Variants in C1QTNF3 observed in about 807,000 individuals in gnomAD.
C1QTNF3 encodes the protein complement C1q tumor necrosis factor-related protein 3.
A neutral mutation model predicts 32.6 loss-of-function variants in C1QTNF3; 26 were observed. The observed-to-expected ratio is 0.80, with a 90% CI of 0.58 to 1.11. The LOEUF is 1.11. Among genes scored for constraint, C1QTNF3 ranks in the 50% least tolerant of loss-of-function variants. The pLI is 0.00. For missense variants in C1QTNF3, 362 were observed against 398.2 expected (o/e 0.91, Z 0.77); for synonymous variants, 155 against 146.0 (o/e 1.06, Z -0.44).
the C1QTNF3 span, among the ~76,000 whole-genome samples, chr5:34,236,917 C>T: frequency 6.6e-6 from 1 of 151,938 alleles, no homozygotes. Flanking sequence ...AAGATTGAGG[C>T]AGAAGAAATG....
At chr5:34,115,982 C>T in the C1QTNF3 span, among the ~76,000 whole-genome samples, 13 of 152,062 alleles carry the variant, frequency 8.5e-5, no homozygotes, top group Non-Finnish European at 1.6e-4. Context: ...ATTTTGGATA[C>T]TGTTCTTTTT....
At chr5:34,237,938 G>C in the C1QTNF3 span, among the ~76,000 whole-genome samples, 1 of 152,162 alleles carries the variant, frequency 6.6e-6, no homozygotes, top group South Asian at 2.1e-4. Context: ...GTATAAAACA[G>C]CCAAGCCACT....
At chr5:34,162,651 A>G in the C1QTNF3 span, among the ~76,000 whole-genome samples, 3 of 152,190 alleles carry the variant, frequency 2.0e-5, 1 homozygote. Flanking sequence ...AGGGGCTAAA[A>G]TATTACAGAA....
Position 34,033,832 on chromosome 5 carries a change from A to T in C1QTNF3, c.416-374T>A, listed in dbSNP as rs299593. 2.0e-5 allele frequency among the ~76,000 whole-genome samples: 3 copies of T among 152,022 alleles called. No individual in the cohort carries two copies. The East Asian group carries it at 5.8e-4, about 29-fold the overall frequency. On this transcript the variant is annotated intron_variant, in intron 2 of 5. Coordinates refer to ENST00000382065, the MANE Select transcript of C1QTNF3 (RefSeq NM_181435.6). ...AAAAGAAGGCTGAAGAAAAACATTT[A>T]ATGATATAGTGATATTCATGATATT...
the C1QTNF3 span, among the ~76,000 whole-genome samples, chr5:34,238,422 CATTTTA>C: frequency 6.6e-6 from 1 of 152,004 alleles, no homozygotes; most frequent in African/African-American, 2.4e-5. Flanking sequence ...ATGAAACTGC[CATTTTA>C]AAAAACAGCC....
At chr5:34,133,732 ATGAT>A in the C1QTNF3 span, among the ~76,000 whole-genome samples, 1 of 152,242 alleles carries the variant, frequency 6.6e-6, no homozygotes, top group Non-Finnish European at 1.5e-5. Context: ...TGCCTGTTTA[ATGAT>A]TAATTAGAAT....
the C1QTNF3 span, among the ~76,000 whole-genome samples, chr5:34,176,385 C>T: frequency 6.8e-6 from 1 of 147,710 alleles, no homozygotes; most frequent in Admixed American, 6.9e-5. Flanking sequence ...CACATGTACC[C>T]TAAAACTTAA....
the C1QTNF3 span, among the ~76,000 whole-genome samples, chr5:34,105,315 CT>C: frequency 6.6e-6 from 1 of 151,996 alleles, no homozygotes; most frequent in Non-Finnish European, 1.5e-5. Flanking sequence ...CTATTTCCCC[CT>C]ATGTGAATTT....
chr5:34,054,759 T>A, the C1QTNF3 span, among the ~76,000 whole-genome samples: 1 of 151,944 alleles, frequency 6.6e-6, no homozygotes, highest in Non-Finnish European at 1.5e-5. Context: ...AATCTGTATT[T>A]TTTTTACCTT....
At chr5:34,146,843 C>A in the C1QTNF3 span, among the ~76,000 whole-genome samples, 11 of 152,206 alleles carry the variant, frequency 7.2e-5, no homozygotes, top group South Asian at 2.3e-3. Flanking sequence ...TGCTTCTGCA[C>A]AGAAAAATAA....
the C1QTNF3 span, among the ~76,000 whole-genome samples, chr5:34,210,101 A>G: frequency 6.6e-6 from 1 of 152,060 alleles, no homozygotes; most frequent in African/African-American, 2.4e-5. Context: ...CAATCTTTTT[A>G]TAAAATAAAT....
chr5:34,223,310 AT>A, the C1QTNF3 span, among the ~76,000 whole-genome samples: 1 of 150,868 alleles, frequency 6.6e-6, no homozygotes, highest in East Asian at 2.0e-4. Context: ...GAGAATGATG[AT>A]TTCCAATTTC....
the C1QTNF3 span, among the ~76,000 whole-genome samples, chr5:34,236,563 CTTTTTTCTT>C: frequency 0.014 from 613 of 45,172 alleles, 2 homozygotes; most frequent in Admixed American, 0.031. Flanking sequence ...TTTCTTTTTT[CTTTTTTCTT>C]TTTTTTTTTT....
the C1QTNF3 span, among the ~76,000 whole-genome samples, chr5:34,211,953 C>T: frequency 6.6e-6 from 1 of 152,118 alleles, no homozygotes; most frequent in African/African-American, 2.4e-5. Context: ...CAAGTCAGTC[C>T]TAAGCCAAAA....
At chr5:34,175,425 C>T in the C1QTNF3 span, 1 of 180,282 alleles carries the variant, frequency 5.5e-6, no homozygotes, top group South Asian at 1.3e-4. Flanking sequence ...AAATGAGTAA[C>T]ATAAAACAGA....
At chr5:34,175,763 A>G in the C1QTNF3 span, 1 of 655,148 alleles carries the variant, frequency 1.5e-6, no homozygotes, top group Non-Finnish European at 2.8e-6. Context: ...CAGAATGGGC[A>G]AGGCAACCTG....
chr5:34,156,703 T>TG, the C1QTNF3 span, among the ~76,000 whole-genome samples: 1 of 152,150 alleles, frequency 6.6e-6, no homozygotes, highest in African/African-American at 2.4e-5. Flanking sequence ...TTATATGTTG[T>TG]GGGGGGAAAT....
At chr5:34,155,988 A>T in the C1QTNF3 span, among the ~76,000 whole-genome samples, 18 of 152,216 alleles carry the variant, frequency 1.2e-4, no homozygotes, top group South Asian at 4.2e-4. Context: ...GAATTCACGC[A>T]CAAAGTCATC....
At chr5:34,055,556 A>G in the C1QTNF3 span, among the ~76,000 whole-genome samples, 359 of 152,356 alleles carry the variant, frequency 2.4e-3, 1 homozygote, top group African/African-American at 8.0e-3. Flanking sequence ...CAGTATTATT[A>G]CTGTGTTCTG....
Sources: allele counts gnomAD v4.1 joint callset (sites outside exome capture counted in the v4.1 genomes callset), GRCh38; gene constraint gnomAD v4.1.1; transcripts MANE v1.5; gene names NCBI Gene and HGNC (gene_info 2026-07-23, HGNC 2026-07-21).